The following TMOD2 variants were observed in gnomAD, a reference collection of about 807,000 sequenced individuals.
The protein encoded by TMOD2 is tropomodulin-2.
Under a neutral mutation model 39.9 loss-of-function variants are expected in TMOD2, and 22 were observed. The ratio of observed to expected loss-of-function variants is 0.55; its 90% confidence interval spans 0.39 to 0.79. The LOEUF (loss-of-function observed/expected upper bound fraction) is 0.79, where lower values mean the gene tolerates loss of function less well. Among genes scored for constraint, TMOD2 ranks in the 30% least tolerant of loss-of-function variants. TMOD2 has a pLI of 0.00. For synonymous variants in TMOD2, 123 were observed against 146.1 expected (o/e 0.84, Z 1.14); for missense variants, 386 against 413.3 (o/e 0.93, Z 0.57).
intron 4 of TMOD2, among the ~76,000 whole-genome samples, chr15:51,774,665 T>C (rs1221254135): frequency 6.6e-6 from 1 of 152,182 alleles, no homozygotes; most frequent in East Asian, 1.9e-4. Context: ...GTTTGTGAAC[T>C]TAATATTGAC....
Position 51,808,520 on chromosome 15 carries a change from TC to T in TMOD2, c.*70del. 1 of 1,357,324 alleles carries T rather than the reference TC, an allele frequency of 7.4e-7. No individual in the cohort carries two copies. The highest frequency in any genetic ancestry group is 1.3e-5 in the South Asian group (1 of 78,900). The allele number at this position is 1,357,324 out of a possible 1,614,324, so 84.1% of individuals were successfully genotyped here. A position where few individuals can be genotyped will look rare whatever the true frequency, so the allele number is the denominator to read the frequency against. On this transcript the variant is annotated 3_prime_UTR_variant, in exon 10 of 10. Transcript: ENST00000249700. Reference sequence around the variant, plus strand: ...ATTGAAAAACAAAAACTCTTCTTCTTCCCCATCAGGACCATTTTATCAAAGT... The same window carrying T: ...ATTGAAAAACAAAAACTCTTCTTCTTCCCATCAGGACCATTTTATCAAAGT...
rs947213773 is a variant in TMOD2, at chr15:51,813,996, T to C, written c.*5542T>C. ...GGGACTGGAGTTATTTCAGCTCCCA[T>C]GTAGAGGTGGGAGAGGTGGTTGATG... On this transcript the variant is annotated 3_prime_UTR_variant, in exon 10 of 10. Transcript: ENST00000249700. 1 of 152,162 alleles carries C rather than the reference T, an allele frequency of 6.6e-6. No homozygotes were observed. The highest frequency in any genetic ancestry group is 1.5e-5 in the Non-Finnish European group (1 of 68,062). The allele number at this position is 152,162 out of a possible 1,614,324, so 9.4% of individuals were successfully genotyped here. A position where few individuals can be genotyped will look rare whatever the true frequency, so the allele number is the denominator to read the frequency against.
intron 1 of TMOD2, among the ~76,000 whole-genome samples, chr15:51,753,363 G>A (rs2055720400): frequency 6.6e-6 from 1 of 152,172 alleles, no homozygotes; most frequent in South Asian, 2.1e-4. Context: ...AAATGACCAA[G>A]TTTAGCAGCA....
chr15:51,781,142 A>G lies in TMOD2; in HGVS notation c.592A>G (p.Ser198Gly), dbSNP rs957800728. Residue 198 changes from serine to glycine, a missense_variant, in exon 6 of 10, where the codon AGC (serine) becomes GGC (glycine). Physicochemically the swap from Ser to Gly is moderately conservative, Grantham distance 56 (BLOSUM62 0). Coordinates refer to ENST00000249700, the MANE Select transcript of TMOD2 (RefSeq NM_014548.4). ...GCAGCAGATGAAAGCCAATGATCCT[A>G]GCTTGCAAGAAGTCAACCTCAACAA... is the stretch of plus-strand genomic sequence containing the variant. ...SLQQMKANDP[S>G]LQEVNLNNIK... 6.2e-7 allele frequency: 1 copy of G among 1,610,736 alleles called. No homozygotes were observed. Among genetic ancestry groups the G allele is most frequent in the Non-Finnish European group, 8.5e-7 (1 of 1,179,212 alleles).
chr15:51,804,018 A>T (rs774821285), intron 8 of TMOD2, among the ~76,000 whole-genome samples: 2 of 152,218 alleles, frequency 1.3e-5, no homozygotes, highest in African/African-American at 2.4e-5. Flanking sequence ...GTTAGCAAGA[A>T]TAAAAGCTGT....
intron 1 of TMOD2, chr15:51,756,601 T>C (rs2055743542): frequency 6.6e-6 from 1 of 152,252 alleles, no homozygotes; most frequent in African/African-American, 2.4e-5. Context: ...GTCTTCTGTG[T>C]TCTTCTAACC....
chr15:51,763,205 T>C lies in TMOD2; in HGVS notation c.-69-3168T>C, dbSNP rs192089171. On this transcript the variant is annotated intron_variant, in intron 1 of 9. Transcript: ENST00000249700. ...CCTCCTGCCTCAGCCTCCCAAAACATTGGGACTACAGGCGTGAGCCACTGC... is the reference window on the plus strand; with the variant it reads ...CCTCCTGCCTCAGCCTCCCAAAACACTGGGACTACAGGCGTGAGCCACTGC... 3.9e-3 allele frequency among the ~76,000 whole-genome samples: 588 copies of C among 152,290 alleles called. 4 individuals carry two copies. The highest frequency in any genetic ancestry group is 0.014 in the African/African-American group (564 of 41,560).
intron 3 of TMOD2, among the ~76,000 whole-genome samples, chr15:51,769,203 A>G (rs1413122552): frequency 1.3e-5 from 2 of 152,196 alleles, no homozygotes; most frequent in African/African-American, 4.8e-5. Flanking sequence ...ACCCCAAAGA[A>G]AGTTTTGAAA....
At chr15:51,801,237 T>TCTCACACACA (rs1491214017) in intron 8 of TMOD2, among the ~76,000 whole-genome samples, 1,125 of 102,078 alleles carry the variant, frequency 0.011, 7 homozygotes, top group East Asian at 0.021. Flanking sequence ...TCTCTCTCTC[T>TCTCACACACA]CACACACACA....
intron 5 of TMOD2, among the ~76,000 whole-genome samples, chr15:51,779,659 T>A (rs1265648293): frequency 6.6e-6 from 1 of 151,748 alleles, no homozygotes; most frequent in Non-Finnish European, 1.5e-5. Context: ...AGTAGATAAC[T>A]TTTTTAATGG....
At chr15:51,804,865 G>A (rs890378229) in intron 8 of TMOD2, among the ~76,000 whole-genome samples, 8 of 151,454 alleles carry the variant, frequency 5.3e-5, no homozygotes, top group Non-Finnish European at 1.2e-4. Context: ...GAGCCACTGC[G>A]CCTAGCCTTA....
intron 7 of TMOD2, among the ~76,000 whole-genome samples, chr15:51,794,952 T>A (rs2056037684): frequency 6.6e-6 from 1 of 152,218 alleles, no homozygotes; most frequent in South Asian, 2.1e-4. Context: ...TTAGCAGCAT[T>A]TACAATTATA....
intron 6 of TMOD2, among the ~76,000 whole-genome samples, chr15:51,782,164 T>A (rs1428477740): frequency 6.6e-6 from 1 of 152,170 alleles, no homozygotes; most frequent in Non-Finnish European, 1.5e-5. Context: ...TGAAAACAAT[T>A]ATATTAGGAG....
intron 1 of TMOD2, among the ~76,000 whole-genome samples, chr15:51,765,844 T>C (rs1182283173): frequency 6.6e-6 from 1 of 152,200 alleles, no homozygotes; most frequent in African/African-American, 2.4e-5. Context: ...TACTGGACAA[T>C]GCTTTCTCAC....
chr15:51,784,879 T>A (rs2055957728), intron 7 of TMOD2: 1 of 152,184 alleles, frequency 6.6e-6, no homozygotes, highest in South Asian at 2.1e-4. Flanking sequence ...AGGGCTGGGG[T>A]TAGTTCACAA....
intron 7 of TMOD2, among the ~76,000 whole-genome samples, chr15:51,786,582 C>T (rs2055971588): frequency 6.6e-6 from 1 of 152,178 alleles, no homozygotes; most frequent in Non-Finnish European, 1.5e-5. Context: ...AACTGAGACT[C>T]AAAGAAGTTG....
Position 51,776,994 on chromosome 15 carries a change from A to G in TMOD2, c.469A>G (p.Lys157Glu). 1 of 1,613,892 alleles carries G rather than the reference A, an allele frequency of 6.2e-7. No individual in the cohort carries two copies. Among genetic ancestry groups the G allele is most frequent in the Admixed American group, 1.7e-5 (1 of 60,022 alleles). ...GTTCGATGAAGAAACAGCCAACAAT[A>G]AAGGTGGCAAAGGACCTGTCAGAAG... is the stretch of plus-strand genomic sequence containing the variant. ...PKFDEETANN[K>E]GGKGPVRNVV... The change falls in exon 5 of 10, where the codon AAA becomes GAA. Residue 157 changes from lysine to glutamate, a missense_variant. Coordinates refer to ENST00000249700, the MANE Select transcript of TMOD2 (RefSeq NM_014548.4).
chr15:51,807,883 T>A (rs1259746044), intron 9 of TMOD2, among the ~76,000 whole-genome samples: 1 of 152,236 alleles, frequency 6.6e-6, no homozygotes, highest in African/African-American at 2.4e-5. Flanking sequence ...TCTTCGGTTC[T>A]AAACATCAGG....
chr15:51,766,529 A>C lies in TMOD2; in HGVS notation c.88A>C (p.Lys30Gln). Residue 30 changes from lysine (K) to glutamine (Q), a missense_variant, in exon 2 of 10, where the codon AAA becomes CAA. By Grantham distance (53) the Lys-to-Gln change is moderately conservative. Transcript: ENST00000249700. ...LLGKLSEEEL[K>Q]QLENVLDDLD... ...TGGCAAACTCTCAGAAGAGGAACTGAAACAGTTGGAAAATGTTCTAGATGA... is the reference window on the plus strand; with the variant it reads ...TGGCAAACTCTCAGAAGAGGAACTGCAACAGTTGGAAAATGTTCTAGATGA... 1 of 1,614,138 alleles carries C rather than the reference A, an allele frequency of 6.2e-7. No homozygotes were observed. The highest frequency in any genetic ancestry group is 8.5e-7 in the Non-Finnish European group (1 of 1,179,994).
Sources: allele counts gnomAD v4.1 joint callset (sites outside exome capture counted in the v4.1 genomes callset), GRCh38; gene constraint gnomAD v4.1.1; transcripts MANE v1.5; gene names NCBI Gene and HGNC (gene_info 2026-07-23, HGNC 2026-07-21).